Variants in DENND1B observed in about 807,000 individuals in gnomAD.
DENND1B encodes DENN domain-containing protein 1B.
DENND1B carries 59 observed loss-of-function variants against 90.1 expected under a neutral mutation model. The ratio of observed to expected loss-of-function variants is 0.65; its 90% CI spans 0.53 to 0.81. The LOEUF is 0.81. DENND1B is among the 40% of genes least tolerant of loss of function. The pLI, the probability that DENND1B is intolerant of heterozygous loss-of-function variation, is 0.00. For synonymous variants in DENND1B, 337 were observed against 324.6 expected (o/e 1.04, Z -0.41); for missense variants, 862 against 912.6 (o/e 0.94, Z 0.71).
intron 2 of DENND1B, among the ~76,000 whole-genome samples, chr1:197,729,317 T>C (rs1558452427): frequency 1.3e-5 from 2 of 152,186 alleles, no homozygotes; most frequent in African/African-American, 2.4e-5. Context: ...TCAATGGATA[T>C]ATATAATGCA....
chr1:197,550,651 A>G (rs896026930), intron 16 of DENND1B, among the ~76,000 whole-genome samples: 1 of 90,542 alleles, frequency 1.1e-5, no homozygotes, highest in Non-Finnish European at 2.2e-5. Flanking sequence ...ATCACACACC[A>G]GGGCCTGTTG....
intron 3 of DENND1B, among the ~76,000 whole-genome samples, chr1:197,682,010 G>A (rs1656740878): frequency 1.3e-5 from 2 of 151,716 alleles, no homozygotes; most frequent in Non-Finnish European, 2.9e-5. Context: ...ACCTAGTTCA[G>A]AACTATCCCT....
At chr1:197,657,209 T>C (rs1240365335) in intron 6 of DENND1B, among the ~76,000 whole-genome samples, 2 of 152,172 alleles carry the variant, frequency 1.3e-5, no homozygotes, top group Non-Finnish European at 2.9e-5. Context: ...TGAAGGACTC[T>C]TACGATTCAA....
chr1:197,680,121 C>A lies in DENND1B; in HGVS notation c.127-5952G>T, dbSNP rs374439176. Among the ~76,000 whole-genome samples the A allele has an allele frequency of 2.0e-5, 3 of 152,122 alleles. No homozygotes were observed. In the South Asian group the frequency reaches 6.2e-4, roughly 32 times the overall value. ...ACTCCACTTCACTAGGTGACAGGGACCCTCTCTCTTAAAAAAAGTTGTGTC... is the reference window on the plus strand; with the variant it reads ...ACTCCACTTCACTAGGTGACAGGGAACCTCTCTCTTAAAAAAAGTTGTGTC... On this transcript the variant is annotated intron_variant, in intron 3 of 22. Transcript: ENST00000620048.
At chr1:197,537,555 A>G (rs1670003021) in intron 20 of DENND1B, among the ~76,000 whole-genome samples, 1 of 152,060 alleles carries the variant, frequency 6.6e-6, no homozygotes, top group Non-Finnish European at 1.5e-5. Context: ...AATAGATTTT[A>G]GGTGTTCTTA....
Position 197,506,902 on chromosome 1 carries a change from C to G in DENND1B, c.*3558G>C, listed in dbSNP as rs1017695539. 1 of 151,370 alleles carries G rather than the reference C, an allele frequency of 6.6e-6. No individual in the cohort carries two copies. The highest frequency in any genetic ancestry group is 2.1e-4 in the South Asian group (1 of 4,828). The allele number at this position is 151,370 out of a possible 1,614,324, so 9.4% of individuals were successfully genotyped here. A position where few individuals can be genotyped will look rare whatever the true frequency, so the allele number is the denominator to read the frequency against. Reference sequence around the variant, plus strand: ...TCATTCCATTATAGAGAGCCCTGTGCAGCCTGGTTATCTGATAATAAGATA... The same window carrying G: ...TCATTCCATTATAGAGAGCCCTGTGGAGCCTGGTTATCTGATAATAAGATA... On this transcript the variant is annotated 3_prime_UTR_variant, in exon 23 of 23. Transcript: ENST00000620048.
chr1:197,529,593 A>G (rs1030159073), intron 20 of DENND1B, among the ~76,000 whole-genome samples: 2 of 152,148 alleles, frequency 1.3e-5, no homozygotes, highest in African/African-American at 4.8e-5. Flanking sequence ...ACACACAGAA[A>G]CATACACATT....
intron 10 of DENND1B, among the ~76,000 whole-genome samples, chr1:197,632,327 T>C (rs1679398279): frequency 6.6e-6 from 1 of 152,112 alleles, no homozygotes; most frequent in East Asian, 1.9e-4. Flanking sequence ...GATTTTGTAG[T>C]CTGATTTCTC....
intron 20 of DENND1B, among the ~76,000 whole-genome samples, chr1:197,536,143 A>AGT (rs1669872846): frequency 7.9e-6 from 1 of 126,758 alleles, no homozygotes; most frequent in African/African-American, 2.8e-5. Context: ...AGAGATTGAG[A>AGT]GAGAGAGAGA....
In DENND1B at chr1:197,507,872, A is replaced by T. The variant is rs1297282134; in HGVS notation, c.*2588T>A. The T allele has an allele frequency of 6.6e-6, 1 of 151,682 alleles. No individual in the cohort carries two copies. Among genetic ancestry groups the T allele is most frequent in the Non-Finnish European group, 1.5e-5 (1 of 67,758 alleles). The allele number at this position is 151,682 out of a possible 1,614,324, so 9.4% of individuals were successfully genotyped here. On this transcript the variant is annotated 3_prime_UTR_variant, in exon 23 of 23. Transcript: ENST00000620048. ...GTTTGAAATACAAATACTTGGTAGT[A>T]TTATTCTGGATGTTTTTAAAGAATA... is the stretch of plus-strand genomic sequence containing the variant.
At chr1:197,604,223 T>C (rs1435864829) in intron 13 of DENND1B, among the ~76,000 whole-genome samples, 1 of 150,994 alleles carries the variant, frequency 6.6e-6, no homozygotes, top group African/African-American at 2.4e-5. Flanking sequence ...TCCAAATCTA[T>C]AGTGAAATGA....
At chr1:197,600,158 G>GT (rs1333624149) in intron 13 of DENND1B, among the ~76,000 whole-genome samples, 2 of 151,772 alleles carry the variant, frequency 1.3e-5, no homozygotes, top group African/African-American at 4.8e-5. Context: ...GACCACAAAA[G>GT]GCTGATCTGA....
chr1:197,578,728 A>G (rs532302109), intron 15 of DENND1B, among the ~76,000 whole-genome samples: 1 of 152,238 alleles, frequency 6.6e-6, no homozygotes, highest in Non-Finnish European at 1.5e-5. Context: ...AAAATTATAC[A>G]ATTGAAATAT....
At chr1:197,654,293 A>C (rs926524539) in intron 6 of DENND1B, among the ~76,000 whole-genome samples, 4 of 152,154 alleles carry the variant, frequency 2.6e-5, no homozygotes, top group African/African-American at 9.7e-5. Flanking sequence ...ACTGTACTTT[A>C]ATCAAAGTCA....
chr1:197,578,246 G>A (rs531271185), intron 15 of DENND1B, among the ~76,000 whole-genome samples: 2 of 151,914 alleles, frequency 1.3e-5, no homozygotes, highest in African/African-American at 4.8e-5. Flanking sequence ...TGTTGTTGTT[G>A]TTGTTGTTGT....
At chr1:197,650,030 A>AAT (rs1457622632) in intron 7 of DENND1B, among the ~76,000 whole-genome samples, 1 of 152,196 alleles carries the variant, frequency 6.6e-6, no homozygotes, top group Non-Finnish European at 1.5e-5. Flanking sequence ...ATCCCATTAA[A>AAT]AAGTGAGCTA....
intron 13 of DENND1B, 105 bp downstream of exon 13, chr1:197,606,968 C>T (rs1676738534): frequency 2.5e-6 from 2 of 804,146 alleles, no homozygotes; most frequent in Non-Finnish European, 4.1e-6. Context: ...CATGCAAATA[C>T]CCAACCCTTT....
At chr1:197,766,643 A>C (rs1167279722) in intron 2 of DENND1B, among the ~76,000 whole-genome samples, 8 of 152,298 alleles carry the variant, frequency 5.3e-5, no homozygotes, top group Admixed American at 1.3e-4. Flanking sequence ...GCCCATTCCA[A>C]GACATATATG....
intron 16 of DENND1B, among the ~76,000 whole-genome samples, chr1:197,548,625 A>G (rs905019615): frequency 6.6e-5 from 10 of 152,188 alleles, no homozygotes; most frequent in Non-Finnish European, 1.5e-4. Flanking sequence ...GAAACAGAAT[A>G]AGAATCTAGG....
Sources: allele counts gnomAD v4.1 joint callset (sites outside exome capture counted in the v4.1 genomes callset), GRCh38; gene constraint gnomAD v4.1.1; transcripts MANE v1.5; gene names NCBI Gene and HGNC (gene_info 2026-07-23, HGNC 2026-07-21).